Variants in NOBOX observed in about 807,000 individuals in gnomAD.
NOBOX encodes homeobox protein NOBOX.
A neutral mutation model predicts 60.2 loss-of-function variants in NOBOX; 46 were observed. That is an observed-to-expected ratio of 0.76 (90% CI 0.60 to 0.98). NOBOX has a LOEUF of 0.98. Ranked by LOEUF, NOBOX falls within the 50% of genes least tolerant of loss-of-function variation. NOBOX has a pLI of 0.00. For missense variants in NOBOX, 880 were observed against 865.5 expected (o/e 1.02, Z -0.21); for synonymous variants, 360 against 346.3 (o/e 1.04, Z -0.44).
intron 2 of NOBOX, 29 bp from the exon 1 acceptor site, chr7:144,403,722 C>CCGTGATG: frequency 2.9e-6 from 2 of 699,482 alleles, no homozygotes; most frequent in Non-Finnish European, 5.2e-6. Context: ...CGCGGCCGGC[C>CCGTGATG]CGTGATGCAC....
At chr7:144,406,694 T>G (rs2053987969) in intron 1 of NOBOX, among the ~76,000 whole-genome samples, 1 of 152,266 alleles carries the variant, frequency 6.6e-6, no homozygotes, top group Admixed American at 6.5e-5. Flanking sequence ...ATCTAAGATG[T>G]ACATTGCATG....
At position 144,400,267 on chromosome 7, in the gene NOBOX, G is replaced by A. The variant is rs771400362; in HGVS notation, c.890C>T (p.Pro297Leu). 69 of 1,613,964 alleles carry A rather than the reference G, an allele frequency of 4.3e-5. No individual in the cohort carries two copies. Among genetic ancestry groups the A allele is most frequent in the Admixed American group, 6.7e-5 (4 of 60,016 alleles). Reference sequence around the variant, plus strand: ...AATCTCTCGGCGTTTATCACTGTCAGGATAGTGGTCTTCTTGGAATATCTT... The same window carrying A: ...AATCTCTCGGCGTTTATCACTGTCAAGATAGTGGTCTTCTTGGAATATCTT... Residue 297 changes from proline (P) to leucine (L), a missense_variant, in exon 5 of 10, where the codon CCT (proline) becomes CTT (leucine). By Grantham distance (98) the Pro-to-Leu change is moderately conservative. Coordinates refer to ENST00000467773, the MANE Select transcript of NOBOX (RefSeq NM_001080413.3).
In NOBOX at chr7:144,401,159, A is replaced by G. The variant is rs2053935106; in HGVS notation, c.731T>C (p.Leu244Pro). Residue 244 changes from leucine (L) to proline (P), a missense_variant, in exon 4 of 10, where the codon CTG becomes CCG. Leu to Pro is a moderately conservative substitution (Grantham distance 98). Transcript: ENST00000467773. The surrounding 1 kb of genome is among the most constrained non-coding windows in gnomAD (Gnocchi z 4.2). ...CGCCAATGTACTGAGGAGATTGGCC[A>G]GGTGGCAGGGCCCCCGGCCTGACCC... The G allele has an allele frequency of 1.9e-6, 3 of 1,611,794 alleles. No homozygotes were observed. Among genetic ancestry groups the G allele is most frequent in the Non-Finnish European group, 2.5e-6 (3 of 1,178,480 alleles).
rs893796931 is a variant in NOBOX, at chr7:144,398,848, C to T, written c.1469+102G>A. The T allele has an allele frequency of 5.7e-6, 4 of 699,798 alleles. No homozygotes were observed. In the African/African-American group the frequency reaches 7.1e-5, roughly 12 times the overall value. The allele number at this position is 699,798 out of a possible 1,614,324, so 43.3% of individuals were successfully genotyped here. On this transcript the variant is annotated intron_variant, in intron 8 of 9. Transcript: ENST00000467773. Reference sequence around the variant, plus strand: ...CCATCTCCTGTACCACTCTGTGCTCCTCTCAGTTAACCCTCTCCTCTCTGT... The same window carrying T: ...CCATCTCCTGTACCACTCTGTGCTCTTCTCAGTTAACCCTCTCCTCTCTGT...
At position 144,402,691 on chromosome 7, in the gene NOBOX, A is replaced by T. The variant is rs182987750; in HGVS notation, c.211-741T>A. Among the ~76,000 whole-genome samples the T allele has an allele frequency of 7.9e-5, 12 of 151,882 alleles. No individual in the cohort carries two copies. The East Asian group carries it at 1.9e-3, about 25-fold the overall frequency. Reference sequence around the variant, plus strand: ...CATTTGTAATGAATGCTAAGTAACGACTAAGAGCTACTGTTACTTTAATGA... The same window carrying T: ...CATTTGTAATGAATGCTAAGTAACGTCTAAGAGCTACTGTTACTTTAATGA... On this transcript the variant is annotated intron_variant, in intron 2 of 9. Transcript: ENST00000467773.
chr7:144,404,510 A>G, intron 2 of NOBOX: 1 of 1,564,274 alleles, frequency 6.4e-7, no homozygotes, highest in Non-Finnish European at 8.7e-7. Flanking sequence ...GGGCTTCCCA[A>G]ACTGCTGGAA....
Position 144,398,427 on chromosome 7 carries a change from G to A in NOBOX, c.1629C>T (p.Phe543=). The A allele has an allele frequency of 6.5e-7, 1 of 1,537,324 alleles. No homozygotes were observed. Among genetic ancestry groups the A allele is most frequent in the South Asian group, 1.2e-5 (1 of 84,056 alleles). Residue 543 remains phenylalanine (F), a synonymous_variant, in exon 9 of 10, where the codon TTC becomes TTT. Transcript: ENST00000467773. Reference sequence around the variant, plus strand: ...GAAGCGTCAGTGAACTGGGCATGGAGAAGGGGAAAGTGGGGAGGTAGGGCA... The same window carrying A: ...GAAGCGTCAGTGAACTGGGCATGGAAAAGGGGAAAGTGGGGAGGTAGGGCA...
rs781441187 is a variant in NOBOX, at chr7:144,401,584, T to C, written c.306A>G (p.Gly102=). 3 of 1,505,684 alleles carry C rather than the reference T, an allele frequency of 2.0e-6. No homozygotes were observed. The highest frequency in any genetic ancestry group is 2.6e-6 in the Non-Finnish European group (3 of 1,134,708). The allele number at this position is 1,505,684 out of a possible 1,614,324, so 93.3% of individuals were successfully genotyped here. ...CGGGTCCTGCAGCCAGGGGCTTCTC[T>C]CCAGCTTTCTGGCCTGTGGGGAGCC... Residue 102 remains glycine, a synonymous_variant, in exon 4 of 10, where the codon GGA becomes GGG. Coordinates refer to ENST00000467773, the MANE Select transcript of NOBOX (RefSeq NM_001080413.3). This position sits in a 1 kb window ranked among gnomAD's most constrained non-coding sequence, Gnocchi z 4.2.
chr7:144,401,110 G>C lies in NOBOX; in HGVS notation c.780C>G (p.His260Gln), dbSNP rs1320704761. ...AGGTCACTTCCGGGGGCCCCTGCTT[G>C]TGGTCTCTGTTTTGGTTGCTCTGCG... Residue 260 changes from histidine (H) to glutamine (Q), a missense_variant, in exon 4 of 10, where the codon CAC (histidine) becomes CAG (glutamine). Transcript: ENST00000467773. The surrounding 1 kb of genome is among the most constrained non-coding windows in gnomAD (Gnocchi z 4.2). 2.6e-6 allele frequency: 4 copies of C among 1,556,942 alleles called. No individual in the cohort carries two copies. Among genetic ancestry groups the C allele is most frequent in the Non-Finnish European group, 3.5e-6 (4 of 1,153,590 alleles).
intron 4 of NOBOX, 105 bp downstream of exon 2, chr7:144,400,941 A>T: frequency 1.0e-6 from 1 of 957,854 alleles, no homozygotes; most frequent in Middle Eastern, 2.4e-4. Context: ...TGACATACAA[A>T]CTAACCCCAT....
chr7:144,401,270 T>C lies in NOBOX; in HGVS notation c.620A>G (p.Lys207Arg). Reference sequence around the variant, plus strand: ...GGCCAGACCCATGGCATTAGGCTTTTTCTGCTTCCCGGGGGCTGGAGAATA... The same window carrying C: ...GGCCAGACCCATGGCATTAGGCTTTCTCTGCTTCCCGGGGGCTGGAGAATA... The change falls in exon 4 of 10, where the codon AAA becomes AGA. Residue 207 changes from lysine to arginine, a missense_variant. Coordinates refer to ENST00000467773, the MANE Select transcript of NOBOX (RefSeq NM_001080413.3). This position sits in a 1 kb window ranked among gnomAD's most constrained non-coding sequence, Gnocchi z 4.2. 1 of 1,613,556 alleles carries C rather than the reference T, an allele frequency of 6.2e-7. No homozygotes were observed.
At position 144,398,264 on chromosome 7, in the gene NOBOX, C is replaced by G. The variant is rs142147025; in HGVS notation, c.1774+18G>C. 1 of 1,536,384 alleles carries G rather than the reference C, an allele frequency of 6.5e-7. No individual in the cohort carries two copies. The highest frequency in any genetic ancestry group is 2.0e-5 in the Admixed American group (1 of 50,992). The stretch of plus-strand genomic sequence containing the variant: ...TTCCTCAATCTCAAGGGGACCTTCT[C>G]TCCCAGCCTCAACTCACCTATATTC... On this transcript the variant is annotated intron_variant, in intron 9 of 9. Transcript: ENST00000467773.
In NOBOX at chr7:144,399,204, T is replaced by C. The variant is rs761992073; in HGVS notation, c.1241-26A>G. 3.4e-6 allele frequency: 4 copies of C among 1,193,108 alleles called. No individual in the cohort carries two copies. The Admixed American group carries it at 7.4e-5, about 22-fold the overall frequency. The allele number at this position is 1,193,108 out of a possible 1,614,324, so 73.9% of individuals were successfully genotyped here. On this transcript the variant is annotated intron_variant, in intron 7 of 9. Transcript: ENST00000467773. The stretch of plus-strand genomic sequence containing the variant: ...CTAGGAACAGAAGGCAAAGAGGTGC[T>C]ATAACGGTAAGGAAATGGGAGGCAG...
At chr7:144,408,128 T>C (rs971025591) in intron 1 of NOBOX, among the ~76,000 whole-genome samples, 10 of 152,212 alleles carry the variant, frequency 6.6e-5, no homozygotes, top group South Asian at 2.1e-4. Flanking sequence ...TCCCCTGCCC[T>C]GCCCCAAAGT....
chr7:144,397,158 C>G, downstream of NOBOX: 15 of 1,272,110 alleles, frequency 1.2e-5, no homozygotes, highest in Non-Finnish European at 1.6e-5. Flanking sequence ...CACACTCTTT[C>G]CCAAACCCCC....
chr7:144,401,930 C>T lies in NOBOX; in HGVS notation c.231G>A (p.Glu77=). Reference sequence around the variant, plus strand: ...TGAGTTTGAGGGACTGTTCAGGTATCTCTAAGGGATCATGTTGGGGCTGCG... The same window carrying T: ...TGAGTTTGAGGGACTGTTCAGGTATTTCTAAGGGATCATGTTGGGGCTGCG... Residue 77 remains glutamate, a synonymous_variant, in exon 3 of 10, where the codon GAG becomes GAA. Coordinates refer to ENST00000467773, the MANE Select transcript of NOBOX (RefSeq NM_001080413.3). This position sits in a 1 kb window ranked among gnomAD's most constrained non-coding sequence, Gnocchi z 4.2. The T allele has an allele frequency of 6.2e-7, 1 of 1,612,560 alleles. No homozygotes were observed.
Position 144,397,549 on chromosome 7 carries a change from G to T in NOBOX, c.1775-8C>A, listed in dbSNP as rs149880524. On this transcript the variant is annotated splice_region_variant and splice_polypyrimidine_tract_variant and intron_variant, in intron 9 of 9. Coordinates refer to ENST00000467773, the MANE Select transcript of NOBOX (RefSeq NM_001080413.3). ...CACTCCAGGAGGCTGTACCTGTGGG[G>T]TCGGAGGGTGTAGGAATTACCAGAC... The T allele has an allele frequency of 1.2e-3, 1,818 of 1,509,682 alleles. 20 individuals are homozygous for T. The African/African-American group carries it at 0.022, about 19-fold the overall frequency. The allele number at this position is 1,509,682 out of a possible 1,614,324, so 93.5% of individuals were successfully genotyped here.
At chr7:144,405,222 A>G (rs2053977146) in intron 1 of NOBOX, among the ~76,000 whole-genome samples, 2 of 152,348 alleles carry the variant, frequency 1.3e-5, no homozygotes, top group South Asian at 4.1e-4. Context: ...TGAGGCGTTC[A>G]GATAGATGGG....
rs1388559243 is a variant in NOBOX, at chr7:144,401,151, G to T, written c.739C>A (p.Leu247Ile). ...TTGCTCTGCGCCAATGTACTGAGGAGATTGGCCAGGTGGCAGGGCCCCCGG... is the reference window on the plus strand; with the variant it reads ...TTGCTCTGCGCCAATGTACTGAGGATATTGGCCAGGTGGCAGGGCCCCCGG... The change falls in exon 4 of 10, where the codon CTC (leucine) becomes ATC (isoleucine). Residue 247 changes from leucine (L) to isoleucine (I), a missense_variant. By Grantham distance (5) the Leu-to-Ile change is conservative. Transcript: ENST00000467773. The surrounding 1 kb of genome is among the most constrained non-coding windows in gnomAD (Gnocchi z 4.2). 4.3e-6 allele frequency: 7 copies of T among 1,611,026 alleles called. No homozygotes were observed. Among genetic ancestry groups the T allele is most frequent in the Non-Finnish European group, 5.1e-6 (6 of 1,178,116 alleles).
Sources: gnomAD v4.1 joint callset for allele counts (sites outside exome capture counted in the v4.1 genomes callset) on GRCh38, gnomAD v4.1.1 for gene constraint, Gnocchi (gnomAD v3.1) non-coding constraint, MANE v1.5 for transcripts, NCBI Gene and HGNC (gene_info 2026-07-23, HGNC 2026-07-21) for gene names.